ZNF682: variants seen among roughly 807,000 people sequenced by gnomAD.
ZNF682 encodes the protein zinc finger protein 682.
In ZNF682, 29 loss-of-function variants were observed where a neutral mutation model predicts 36.5. The observed-to-expected ratio is 0.80, with a 90% confidence interval of 0.59 to 1.08. The LOEUF is 1.08. Ranked by LOEUF, ZNF682 falls within the 50% of genes least tolerant of loss-of-function variation. The probability of loss-of-function intolerance (pLI) is 0.00; values close to 1 mark genes in which losing one functional copy is unlikely to be tolerated. For missense variants in ZNF682, 561 were observed against 579.7 expected (o/e 0.97, Z 0.33); for synonymous variants, 180 against 197.0 (o/e 0.91, Z 0.72).
intron 3 of ZNF682, among the ~76,000 whole-genome samples, chr19:20,008,888 A>G (rs1180200416): frequency 1.3e-5 from 2 of 152,198 alleles, no homozygotes; most frequent in African/African-American, 4.8e-5. Flanking sequence ...GAAGCACTCT[A>G]TGAAATCCAC....
intron 1 of ZNF682, among the ~76,000 whole-genome samples, chr19:20,034,943 A>G (rs1030068892): frequency 7.9e-5 from 12 of 151,786 alleles, no homozygotes; most frequent in Non-Finnish European, 1.5e-4. Flanking sequence ...CTAAAATCCA[A>G]AAACCAGCCG....
Position 20,025,193 on chromosome 19 carries a change from C to T in ZNF682, c.4-817G>A, listed in dbSNP as rs116221150. Among the ~76,000 whole-genome samples, 397 of 152,284 alleles carry T rather than the reference C, an allele frequency of 2.6e-3. 5 individuals carry two copies. Among genetic ancestry groups the T allele is most frequent in the Middle Eastern group, 0.01 (3 of 294 alleles). ...ATCTGACTAGTAAACAAAGATGAGC[C>T]TTCATTTTCCAAAGCAAGCTTTAAG... On this transcript the variant is annotated intron_variant, in intron 1 of 3. Coordinates refer to ENST00000397165, the MANE Select transcript of ZNF682 (RefSeq NM_033196.3).
chr19:20,018,058 A>G (rs1166067385), intron 3 of ZNF682, among the ~76,000 whole-genome samples: 2 of 134,504 alleles, frequency 1.5e-5, no homozygotes, highest in Admixed American at 1.4e-4. Context: ...TTGCAGAAAT[A>G]TAGTTAAGAT....
At chr19:20,002,791 TA>T (rs1159768738), downstream of ZNF682, among the ~76,000 whole-genome samples, 2 of 151,932 alleles carry the variant, frequency 1.3e-5, no homozygotes, top group African/African-American at 4.8e-5. Flanking sequence ...TAAGAGTTGA[TA>T]AAAAAAGAAA....
intron 3 of ZNF682, among the ~76,000 whole-genome samples, chr19:20,022,430 G>A (rs1450365495): frequency 1.3e-5 from 2 of 152,078 alleles, no homozygotes; most frequent in Non-Finnish European, 2.9e-5. Context: ...CACTTTGGGA[G>A]GCTGAGGTGG....
At chr19:20,038,990 G>A (rs1160308328) in intron 1 of ZNF682, among the ~76,000 whole-genome samples, 1 of 152,204 alleles carries the variant, frequency 6.6e-6, no homozygotes, top group Non-Finnish European at 1.5e-5. Flanking sequence ...GGACCCCCGG[G>A]ATCACAGCAC....
rs371622061 is a variant in ZNF682, at chr19:20,006,820, G to A, written c.682C>T (p.Pro228Ser). Reference protein sequence around the residue: ...KHKRIHTGEKPYKCEECGKAF... With the variant: ...KHKRIHTGEKSYKCEECGKAF... ...TTGCCACATTCTTCACATTTGTATG[G>A]TTTCTCTCCAGTGTGAATTCTCTTA... The change falls in exon 4 of 4, where the codon CCA (proline) becomes TCA (serine). Residue 228 changes from proline to serine, a missense_variant. Physicochemically the swap from Pro to Ser is moderately conservative, Grantham distance 74 (BLOSUM62 -1). Coordinates refer to ENST00000397165, the MANE Select transcript of ZNF682 (RefSeq NM_033196.3). 5 of 1,614,008 alleles carry A rather than the reference G, an allele frequency of 3.1e-6. No homozygotes were observed. In the African/African-American group the frequency reaches 5.3e-5, roughly 17 times the overall value.
chr19:20,000,626 T>C (rs937542921), downstream of ZNF682, among the ~76,000 whole-genome samples: 2 of 152,164 alleles, frequency 1.3e-5, no homozygotes, highest in African/African-American at 2.4e-5. Flanking sequence ...GCTGGCAAAA[T>C]GGGGACGAAG....
At position 20,005,763 on chromosome 19, in the gene ZNF682, T is replaced by G. The variant is rs892679550; in HGVS notation, c.*242A>C. 3 of 493,952 alleles carry G rather than the reference T, an allele frequency of 6.1e-6. No homozygotes were observed. Among genetic ancestry groups the G allele is most frequent in the African/African-American group, 3.8e-5 (2 of 52,018 alleles). 30.6% of individuals were successfully genotyped at this position (493,952 alleles called of 1,614,324 possible). A position where few individuals can be genotyped will look rare whatever the true frequency, so the allele number is the denominator to read the frequency against. On this transcript the variant is annotated 3_prime_UTR_variant, in exon 4 of 4. Coordinates refer to ENST00000397165, the MANE Select transcript of ZNF682 (RefSeq NM_033196.3). ...CTTTTATCTAGCACAAAACCTCTGA[T>G]GAGTAAGTTCATAGTAGTTATTAAA...
At chr19:20,012,041 TAA>T (rs556393050) in intron 3 of ZNF682, among the ~76,000 whole-genome samples, 1,790 of 144,670 alleles carry the variant, frequency 0.012, 18 homozygotes, top group South Asian at 0.034. Flanking sequence ...CATCTCAAAA[TAA>T]AAAAAAAACA....
intron 1 of ZNF682, among the ~76,000 whole-genome samples, chr19:20,036,246 CT>C (rs1230363563): frequency 1.3e-5 from 2 of 152,288 alleles, no homozygotes; most frequent in Non-Finnish European, 2.9e-5. Flanking sequence ...TCGTTTTTAT[CT>C]CTCCAGATAC....
chr19:20,024,506 T>C (rs1599612792), intron 1 of ZNF682, 130 bp from the exon 2 acceptor site: 12 of 1,106,878 alleles, frequency 1.1e-5, no homozygotes, highest in South Asian at 1.8e-5. Flanking sequence ...TTAACAAATA[T>C]ATTCTCTGAT....
chr19:20,039,433 CGGGAA>C lies in ZNF682; in HGVS notation c.-93_-89del. 3 of 1,574,880 alleles carry C rather than the reference CGGGAA, an allele frequency of 1.9e-6. No homozygotes were observed. Among genetic ancestry groups the C allele is most frequent in the Non-Finnish European group, 2.6e-6 (3 of 1,155,466 alleles). On this transcript the variant is annotated 5_prime_UTR_variant, in exon 1 of 4. Transcript: ENST00000397165. The stretch of plus-strand genomic sequence containing the variant: ...GGGCAACAGAGGCTGCGACAGTCAC[CGGGAA>C]CTACTAGAGCAGAGGATACTAAGCA...
At chr19:20,038,066 A>C (rs2088549501) in intron 1 of ZNF682, among the ~76,000 whole-genome samples, 1 of 152,212 alleles carries the variant, frequency 6.6e-6, no homozygotes, top group Non-Finnish European at 1.5e-5. Flanking sequence ...TCTGAAACTC[A>C]AAACCAGGAA....
In ZNF682 at chr19:20,006,767, A is replaced by C; in HGVS notation, c.735T>G (p.Thr245=). ...GKAFNWCSSL[T]KHKRIHTGEK... Reference sequence around the variant, plus strand: ...CACCAGTATGGATTCTCTTATGTTTAGTAAGACTCGAGCACCAGTTAAAAG... The same window carrying C: ...CACCAGTATGGATTCTCTTATGTTTCGTAAGACTCGAGCACCAGTTAAAAG... Residue 245 remains threonine, a synonymous_variant, in exon 4 of 4, where the codon ACT becomes ACG. Coordinates refer to ENST00000397165, the MANE Select transcript of ZNF682 (RefSeq NM_033196.3). The C allele has an allele frequency of 6.2e-7, 1 of 1,613,994 alleles. No homozygotes were observed. Among genetic ancestry groups the C allele is most frequent in the Non-Finnish European group, 8.5e-7 (1 of 1,180,006 alleles).
intron 3 of ZNF682, among the ~76,000 whole-genome samples, chr19:20,016,167 C>T (rs1432706902): frequency 3.3e-5 from 5 of 152,074 alleles, no homozygotes; most frequent in Non-Finnish European, 4.4e-5. Flanking sequence ...AAAAATTAGC[C>T]AGGCGTGGTA....
chr19:20,025,521 C>CA (rs2088423307), intron 1 of ZNF682, among the ~76,000 whole-genome samples: 1 of 151,594 alleles, frequency 6.6e-6, no homozygotes, highest in African/African-American at 2.4e-5. Flanking sequence ...ACTAAAAATA[C>CA]AAAAAATTAG....
In ZNF682 at chr19:20,005,936, G is replaced by T; in HGVS notation, c.*69C>A. 7.1e-7 allele frequency: 1 copy of T among 1,407,740 alleles called. No individual in the cohort carries two copies. Among genetic ancestry groups the T allele is most frequent in the Non-Finnish European group, 9.7e-7 (1 of 1,035,650 alleles). The allele number at this position is 1,407,740 out of a possible 1,614,324, so 87.2% of individuals were successfully genotyped here. A position where few individuals can be genotyped will look rare whatever the true frequency, so the allele number is the denominator to read the frequency against. ...GTATGAATTATCTTGTGATTTCAAT[G>T]CCTTGAGCAAGATTTATGGAATTTG... On this transcript the variant is annotated 3_prime_UTR_variant, in exon 4 of 4. Transcript: ENST00000397165.
chr19:20,018,456 ATTACACTTCCTG>A (rs2088357363), intron 3 of ZNF682, among the ~76,000 whole-genome samples: 1 of 152,198 alleles, frequency 6.6e-6, no homozygotes, highest in African/African-American at 2.4e-5. Context: ...ACAAAGAGGT[ATTACACTTCCTG>A]GTTTTATAAC....
Sources: allele counts gnomAD v4.1 joint callset (sites outside exome capture counted in the v4.1 genomes callset), GRCh38; gene constraint gnomAD v4.1.1; transcripts MANE v1.5; gene names NCBI Gene and HGNC (gene_info 2026-07-23, HGNC 2026-07-21).